The following UBE2QL1 variants were observed in gnomAD, a reference collection of about 807,000 sequenced individuals.
UBE2QL1 encodes ubiquitin conjugating enzyme E2 QL1, also known as ubiquitin-conjugating enzyme E2Q-like protein 1.
Under a neutral mutation model 12.6 loss-of-function variants are expected in UBE2QL1, and 5 were observed. The ratio of observed to expected loss-of-function variants is 0.40; its 90% CI spans 0.21 to 0.83. The LOEUF is 0.83. Ranked by LOEUF, UBE2QL1 falls within the 40% of genes least tolerant of loss-of-function variation. The pLI is 0.37. For synonymous variants in UBE2QL1, 96 were observed against 94.5 expected, an observed-to-expected ratio of 1.02 and a Z score of -0.10; for missense variants, 99 against 222.6, an observed-to-expected ratio of 0.44 and a Z score of 3.53.
chr5:6,471,453 G>T (rs889494789), intron 1 of UBE2QL1, among the ~76,000 whole-genome samples: 9 of 152,330 alleles, frequency 5.9e-5, no homozygotes, highest in Admixed American at 5.9e-4. Context: ...GCTGGCAGCA[G>T]GATGCAGTCC....
Position 6,479,607 on chromosome 5 carries a change from A to G in UBE2QL1, c.355-11611A>G. Reference sequence around the variant, plus strand: ...GAGGCTGTGCTCATTAAGACTTTCCAGAATCCTCTGTGAAGACAGCTGGAA... The same window carrying G: ...GAGGCTGTGCTCATTAAGACTTTCCGGAATCCTCTGTGAAGACAGCTGGAA... On this transcript the variant is annotated intron_variant, in intron 1 of 1. Coordinates refer to ENST00000399816, the MANE Select transcript of UBE2QL1 (RefSeq NM_001145161.3). This position sits in a 1 kb window ranked among gnomAD's most constrained non-coding sequence, Gnocchi z 4.2. Among the ~76,000 whole-genome samples, 1 of 152,238 alleles carries G rather than the reference A, an allele frequency of 6.6e-6. No individual in the cohort carries two copies. Among genetic ancestry groups the G allele is most frequent in the Non-Finnish European group, 1.5e-5 (1 of 68,040 alleles).
At chr5:6,459,557 G>A (rs141737327) in intron 1 of UBE2QL1, among the ~76,000 whole-genome samples, 255 of 152,156 alleles carry the variant, frequency 1.7e-3, no homozygotes, top group African/African-American at 4.9e-3. Context: ...AACGTCTTTC[G>A]TTGCACAAAA....
rs1246691444 is a variant in UBE2QL1 at position 6,478,038 on chromosome 5, A to G, written c.355-13180A>G. Among the ~76,000 whole-genome samples the G allele has an allele frequency of 1.3e-5, 2 of 152,202 alleles. No individual in the cohort carries two copies. Among genetic ancestry groups the G allele is most frequent in the Admixed American group, 6.5e-5 (1 of 15,284 alleles). ...ATGAGCACAATTCCTTCTTTTAAAA[A>G]TCAGAAAAGTAACAAAGTAGGTGAA... On this transcript the variant is annotated intron_variant, in intron 1 of 1. Coordinates refer to ENST00000399816, the MANE Select transcript of UBE2QL1 (RefSeq NM_001145161.3). The surrounding 1 kb of genome is among the most constrained non-coding windows in gnomAD (Gnocchi z 4.5).
At chr5:6,482,565 C>T (rs1422191405) in intron 1 of UBE2QL1, among the ~76,000 whole-genome samples, 1 of 150,590 alleles carries the variant, frequency 6.6e-6, no homozygotes, top group Admixed American at 6.6e-5. Flanking sequence ...TTTAGGTACC[C>T]CCTCCTGCAC....
At chr5:6,471,489 A>C (rs1232422824) in intron 1 of UBE2QL1, among the ~76,000 whole-genome samples, 1 of 152,232 alleles carries the variant, frequency 6.6e-6, no homozygotes, top group Non-Finnish European at 1.5e-5. Flanking sequence ...TGAAGGCCTC[A>C]GTTCCTTGCC....
rs908531376 is a variant in UBE2QL1 at position 6,495,316 on chromosome 5, G to A, written c.*3967G>A. Among the ~76,000 whole-genome samples the A allele has an allele frequency of 6.6e-6, 1 of 152,164 alleles. No homozygotes were observed. Among genetic ancestry groups the A allele is most frequent in the Non-Finnish European group, 1.5e-5 (1 of 68,030 alleles). ...TATATTTCAGTGTACCCATCCAATA[G>A]CATGCGAAATTTTAATGGAATTTGC... On this transcript the variant is annotated 3_prime_UTR_variant, in exon 2 of 2. Coordinates refer to ENST00000399816, the MANE Select transcript of UBE2QL1 (RefSeq NM_001145161.3).
chr5:6,454,514 T>C (rs920925738), intron 1 of UBE2QL1, among the ~76,000 whole-genome samples: 1 of 152,164 alleles, frequency 6.6e-6, no homozygotes, highest in Admixed American at 6.5e-5. Flanking sequence ...ACCATGTACC[T>C]TGGTGAAGGG....
intron 1 of UBE2QL1, among the ~76,000 whole-genome samples, chr5:6,482,526 T>C (rs6891382): frequency 0.036 from 5,507 of 151,416 alleles, 304 homozygotes; most frequent in African/African-American, 0.13. Flanking sequence ...CCCTGGAAGT[T>C]TCCTCCACTC....
intron 1 of UBE2QL1, among the ~76,000 whole-genome samples, chr5:6,480,773 G>A (rs974639574): frequency 2.0e-5 from 3 of 152,152 alleles, no homozygotes; most frequent in African/African-American, 7.2e-5. Context: ...GAGTGGCTTC[G>A]CTTTAATTCC....
intron 1 of UBE2QL1, among the ~76,000 whole-genome samples, chr5:6,466,268 G>C (rs1049423722): frequency 1.3e-5 from 2 of 152,204 alleles, no homozygotes; most frequent in South Asian, 2.1e-4. Flanking sequence ...CATGGGGAGC[G>C]AACTGCTCAG....
At position 6,479,453 on chromosome 5, in the gene UBE2QL1, G is replaced by A. The variant is rs1734315163; in HGVS notation, c.355-11765G>A. On this transcript the variant is annotated intron_variant, in intron 1 of 1. Transcript: ENST00000399816. This position sits in a 1 kb window ranked among gnomAD's most constrained non-coding sequence, Gnocchi z 4.2. The stretch of plus-strand genomic sequence containing the variant: ...GGGGCGACTTCAGTAAGAAAGTGGG[G>A]GGTCTCTGGGGCTAGTCAGGGAAAT... Among the ~76,000 whole-genome samples, 1 of 152,136 alleles carries A rather than the reference G, an allele frequency of 6.6e-6. No homozygotes were observed. Among genetic ancestry groups the A allele is most frequent in the Admixed American group, 6.5e-5 (1 of 15,276 alleles).
rs10041393 is a variant in UBE2QL1, at chr5:6,494,656, C to G, written c.*3307C>G. ...AAGTGTCATTTTCGTAGTATTAGGA[C>G]GTTTACATTACAGCAGGCTTTAATT... On this transcript the variant is annotated 3_prime_UTR_variant, in exon 2 of 2. Transcript: ENST00000399816. 1 of 152,218 alleles carries G rather than the reference C, an allele frequency of 6.6e-6. No homozygotes were observed. Among genetic ancestry groups the G allele is most frequent in the African/African-American group, 2.4e-5 (1 of 41,530 alleles). 9.4% of individuals were successfully genotyped at this position (152,218 alleles called of 1,614,324 possible).
rs1734637216 is a variant in UBE2QL1 at position 6,494,684 on chromosome 5, AACCCAC to A, written c.*3336_*3341del. Reference sequence around the variant, plus strand: ...TTACATTACAGCAGGCTTTAATTAGAACCCACTTAGATATCGACTCAGAATGATCAA... The same window carrying A: ...TTACATTACAGCAGGCTTTAATTAGATTAGATATCGACTCAGAATGATCAA... On this transcript the variant is annotated 3_prime_UTR_variant, in exon 2 of 2. Transcript: ENST00000399816. 1 of 152,246 alleles carries A rather than the reference AACCCAC, an allele frequency of 6.6e-6. No homozygotes were observed. Among genetic ancestry groups the A allele is most frequent in the South Asian group, 2.1e-4 (1 of 4,832 alleles). The allele number at this position is 152,246 out of a possible 1,614,324, so 9.4% of individuals were successfully genotyped here.
At chr5:6,486,653 T>G (rs1196743242) in intron 1 of UBE2QL1, among the ~76,000 whole-genome samples, 1 of 152,190 alleles carries the variant, frequency 6.6e-6, no homozygotes, top group Non-Finnish European at 1.5e-5. Context: ...GAAGTCCCGG[T>G]CACCAGCACA....
intron 1 of UBE2QL1, among the ~76,000 whole-genome samples, chr5:6,449,896 T>C (rs1321903031): frequency 2.1e-5 from 2 of 95,952 alleles, no homozygotes; most frequent in African/African-American, 4.0e-5. Context: ...CACACAAGGC[T>C]CCTCCGCAGG....
At chr5:6,449,822 A>G (rs1447999571) in intron 1 of UBE2QL1, among the ~76,000 whole-genome samples, 1 of 148,456 alleles carries the variant, frequency 6.7e-6, no homozygotes, top group Admixed American at 6.7e-5. Context: ...CTTTTTCTGG[A>G]CCTCAGGATT....
Position 6,449,094 on chromosome 5 carries a change from C to T in UBE2QL1, c.201C>T (p.Pro67=). 1 of 1,548,048 alleles carries T rather than the reference C, an allele frequency of 6.5e-7. No individual in the cohort carries two copies. Among genetic ancestry groups the T allele is most frequent in the South Asian group, 1.2e-5 (1 of 83,218 alleles). Residue 67 remains proline, a synonymous_variant, in exon 1 of 2, where the codon CCC becomes CCT. Transcript: ENST00000399816. Reference sequence around the variant, plus strand: ...CCGACAACTTCCCCTTCTCGCCGCCCTTCATGCGGGTGCTCAGCCCGCGCC... The same window carrying T: ...CCGACAACTTCCCCTTCTCGCCGCCTTTCATGCGGGTGCTCAGCCCGCGCC... ...TFPDNFPFSP[P]FMRVLSPRLE...
Position 6,449,792 on chromosome 5 carries a change from A to T in UBE2QL1, c.354+545A>T, listed in dbSNP as rs544762351. 3.2e-3 allele frequency among the ~76,000 whole-genome samples: 479 copies of T among 150,886 alleles called. 4 individuals are homozygous for T. The highest frequency in any genetic ancestry group is 0.011 in the African/African-American group (445 of 40,984). On this transcript the variant is annotated intron_variant, in intron 1 of 1. Coordinates refer to ENST00000399816, the MANE Select transcript of UBE2QL1 (RefSeq NM_001145161.3). ...CTGCTCCTCAATCTCCTGTCCCTATAATCTCTATGAAGGTGAGAACTTTTT... is the reference window on the plus strand; with the variant it reads ...CTGCTCCTCAATCTCCTGTCCCTATTATCTCTATGAAGGTGAGAACTTTTT...
In UBE2QL1 at chr5:6,494,682, AG is replaced by A. The variant is rs1734637133; in HGVS notation, c.*3334del. 1 of 152,244 alleles carries A rather than the reference AG, an allele frequency of 6.6e-6. No homozygotes were observed. The highest frequency in any genetic ancestry group is 2.1e-4 in the South Asian group (1 of 4,828). The allele number at this position is 152,244 out of a possible 1,614,324, so 9.4% of individuals were successfully genotyped here. Reference sequence around the variant, plus strand: ...GTTTACATTACAGCAGGCTTTAATTAGAACCCACTTAGATATCGACTCAGAA... The same window carrying A: ...GTTTACATTACAGCAGGCTTTAATTAAACCCACTTAGATATCGACTCAGAA... On this transcript the variant is annotated 3_prime_UTR_variant, in exon 2 of 2. Transcript: ENST00000399816.
Sources: gnomAD v4.1 joint callset for allele counts (sites outside exome capture counted in the v4.1 genomes callset) on GRCh38, gnomAD v4.1.1 for gene constraint, Gnocchi (gnomAD v3.1) non-coding constraint, MANE v1.5 for transcripts, NCBI Gene and HGNC (gene_info 2026-07-23, HGNC 2026-07-21) for gene names.